PCDH15: variants seen among roughly 807,000 people sequenced by gnomAD.
PCDH15 encodes protocadherin-15.
In PCDH15, 129 loss-of-function variants were observed where a neutral mutation model predicts 178.5. The ratio of observed to expected loss-of-function variants is 0.72; its 90% CI spans 0.63 to 0.84. PCDH15 has a LOEUF of 0.84. PCDH15 is among the 40% of genes least tolerant of loss of function. The pLI is 0.00. For missense variants in PCDH15, 2,230 were observed against 2,099.9 expected, an observed-to-expected ratio of 1.06 and a Z score of -1.21; for synonymous variants, 800 against 732.0, an observed-to-expected ratio of 1.09 and a Z score of -1.50.
At chr10:55,473,342 AAAG>A (rs1032730534) in intron 2 of PCDH15, among the ~76,000 whole-genome samples, 1 of 152,164 alleles carries the variant, frequency 6.6e-6, no homozygotes, top group African/African-American at 2.4e-5. Context: ...ATAAAAAAAA[AAAG>A]AAAACCACCT....
At chr10:55,531,630 T>C (rs1841456026) in intron 2 of PCDH15, among the ~76,000 whole-genome samples, 1 of 152,016 alleles carries the variant, frequency 6.6e-6, no homozygotes, top group African/African-American at 2.4e-5. Flanking sequence ...GATATTTCCT[T>C]GATAAGAAAG....
chr10:54,699,482 A>G (rs1326309160), intron 1 of PCDH15, among the ~76,000 whole-genome samples: 1 of 152,058 alleles, frequency 6.6e-6, no homozygotes. Flanking sequence ...CATGTTTTCA[A>G]TATGACAGAA....
At chr10:53,959,163 T>C (rs1336924725) in intron 23 of PCDH15, among the ~76,000 whole-genome samples, 1 of 148,268 alleles carries the variant, frequency 6.7e-6, no homozygotes, top group Non-Finnish European at 1.5e-5. Flanking sequence ...GTATTATATA[T>C]GTGTATATAT....
intron 2 of PCDH15, among the ~76,000 whole-genome samples, chr10:55,609,721 G>A (rs940272572): frequency 1.3e-5 from 2 of 151,890 alleles, no homozygotes; most frequent in African/African-American, 4.8e-5. Context: ...CTTATGCTCA[G>A]GCATATGCAT....
intron 8 of PCDH15, among the ~76,000 whole-genome samples, chr10:54,240,093 G>A (rs1018801746): frequency 6.6e-6 from 1 of 152,034 alleles, no homozygotes; most frequent in African/African-American, 2.4e-5. Context: ...CATGCATTAT[G>A]TTTGAACTTC....
At chr10:55,473,797 T>C (rs1368196914) in intron 2 of PCDH15, among the ~76,000 whole-genome samples, 1 of 152,180 alleles carries the variant, frequency 6.6e-6, no homozygotes, top group Non-Finnish European at 1.5e-5. Flanking sequence ...TTTCACTTGT[T>C]GAACACTTTT....
intron 8 of PCDH15, among the ~76,000 whole-genome samples, chr10:54,300,182 G>C (rs1473390319): frequency 6.6e-6 from 1 of 152,074 alleles, no homozygotes; most frequent in African/African-American, 2.4e-5. Context: ...TAACCAGTCA[G>C]GGATAGTAAG....
At chr10:53,880,976 CTCTG>C (rs891728655) in intron 26 of PCDH15, among the ~76,000 whole-genome samples, 1 of 152,150 alleles carries the variant, frequency 6.6e-6, no homozygotes, top group Non-Finnish European at 1.5e-5. Flanking sequence ...CTCTCTCTCT[CTCTG>C]TATGTGTATG....
upstream of PCDH15, among the ~76,000 whole-genome samples, chr10:55,322,876 G>A (rs911563074): frequency 4.6e-5 from 7 of 152,070 alleles, no homozygotes; most frequent in Admixed American, 1.3e-4. Context: ...AATCACCAAG[G>A]TAATAGGGAA....
intron 2 of PCDH15, among the ~76,000 whole-genome samples, chr10:55,084,962 C>T (rs1842130851): frequency 1.3e-5 from 2 of 151,838 alleles, no homozygotes; most frequent in Admixed American, 6.6e-5. Context: ...AGGGACCTCA[C>T]ATACATTGTT....
chr10:55,074,240 G>T (rs1841825062), intron 2 of PCDH15, among the ~76,000 whole-genome samples: 3 of 152,144 alleles, frequency 2.0e-5, no homozygotes, highest in Admixed American at 6.5e-5. Flanking sequence ...TAATGGGATT[G>T]CTGGGTAAAA....
chr10:55,010,044 TAC>T (rs2131941650), intron 2 of PCDH15, among the ~76,000 whole-genome samples: 1 of 152,234 alleles, frequency 6.6e-6, no homozygotes, highest in African/African-American at 2.4e-5. Flanking sequence ...AGTATTCTGA[TAC>T]AGTTTACATA....
At chr10:54,256,150 G>A (rs10825285) in intron 8 of PCDH15, among the ~76,000 whole-genome samples, 3,120 of 152,206 alleles carry the variant, frequency 0.02, 108 homozygotes, top group African/African-American at 0.066. Context: ...TGGGAATCAG[G>A]TGATGTCTAA....
intron 28 of PCDH15, among the ~76,000 whole-genome samples, chr10:53,846,181 A>G (rs2077967862): frequency 6.6e-6 from 1 of 151,930 alleles, no homozygotes; most frequent in South Asian, 2.1e-4. Context: ...TATGTCGAGC[A>G]TTCTCAAAAC....
At chr10:54,604,810 TC>T (rs1313670770) in intron 2 of PCDH15, among the ~76,000 whole-genome samples, 1 of 151,838 alleles carries the variant, frequency 6.6e-6, no homozygotes, top group Non-Finnish European at 1.5e-5. Flanking sequence ...TTCCTTTTTT[TC>T]TTTCTTGATG....
At chr10:54,438,983 G>C (rs1033915348) in intron 3 of PCDH15, among the ~76,000 whole-genome samples, 5 of 151,968 alleles carry the variant, frequency 3.3e-5, no homozygotes, top group African/African-American at 9.7e-5. Flanking sequence ...GAACTTGTCT[G>C]GCTACTTTTT....
intron 3 of PCDH15, among the ~76,000 whole-genome samples, chr10:54,519,415 A>G (rs2138122549): frequency 6.6e-6 from 1 of 151,864 alleles, no homozygotes; most frequent in African/African-American, 2.4e-5. Context: ...TTATACACCA[A>G]TAACAGACAA....
At chr10:54,248,148 G>C (rs2056167435) in intron 8 of PCDH15, among the ~76,000 whole-genome samples, 1 of 151,648 alleles carries the variant, frequency 6.6e-6, no homozygotes, top group South Asian at 2.1e-4. Flanking sequence ...ACATCTGTCT[G>C]AAAATAGGAC....
intron 2 of PCDH15, among the ~76,000 whole-genome samples, chr10:55,432,544 G>C (rs1838908508): frequency 6.6e-6 from 1 of 152,114 alleles, no homozygotes; most frequent in Non-Finnish European, 1.5e-5. Context: ...ATAGTGACTT[G>C]GGACCAAGTG....
Sources: allele counts gnomAD v4.1 joint callset (sites outside exome capture counted in the v4.1 genomes callset), GRCh38; gene constraint gnomAD v4.1.1; transcripts MANE v1.5; gene names NCBI Gene and HGNC (gene_info 2026-07-23, HGNC 2026-07-21).